Variants in NTNG1 observed in about 807,000 individuals in gnomAD.
NTNG1 encodes netrin-G1.
In NTNG1, 16 loss-of-function variants were observed where a neutral mutation model predicts 54.0. The observed-to-expected ratio is 0.30, with a 90% CI of 0.20 to 0.45. The LOEUF is 0.45. Among genes scored for constraint, NTNG1 ranks in the 20% least tolerant of loss-of-function variants. The pLI is 1.00. For missense variants in NTNG1, 530 were observed against 678.7 expected, an observed-to-expected ratio of 0.78 and a Z score of 2.43; for synonymous variants, 255 against 263.1, an observed-to-expected ratio of 0.97 and a Z score of 0.30.
chr1:107,150,574 C>T (rs899841909), intron 2 of NTNG1, among the ~76,000 whole-genome samples: 3 of 152,182 alleles, frequency 2.0e-5, no homozygotes, highest in Non-Finnish European at 4.4e-5. Context: ...TAATAATTTA[C>T]AGATCTAAGT....
At chr1:107,472,142 T>C (rs1477051964) in intron 7 of NTNG1, among the ~76,000 whole-genome samples, 1 of 152,182 alleles carries the variant, frequency 6.6e-6, no homozygotes, top group African/African-American at 2.4e-5. Context: ...CTCTTTATAC[T>C]ACCTCATGCT....
intron 2 of NTNG1, among the ~76,000 whole-genome samples, chr1:107,229,945 A>C (rs1378869690): frequency 6.6e-6 from 1 of 152,114 alleles, no homozygotes; most frequent in Non-Finnish European, 1.5e-5. Flanking sequence ...GGAATATGCT[A>C]ATGACCCTGA....
At chr1:107,480,576 G>GGCCCCCCCC in intron 7 of NTNG1, 35 bp from the exon 8 acceptor site, 1 of 339,098 alleles carries the variant, frequency 2.9e-6, no homozygotes, top group Non-Finnish European at 5.7e-6. Context: ...TCCTCCCCGC[G>GGCCCCCCCC]CCCACCCACC....
intron 2 of NTNG1, among the ~76,000 whole-genome samples, chr1:107,163,988 T>A (rs1288931773): frequency 6.6e-6 from 1 of 152,196 alleles, no homozygotes; most frequent in East Asian, 1.9e-4. Flanking sequence ...AAGCATCCAA[T>A]GGATTTCCGT....
intron 2 of NTNG1, among the ~76,000 whole-genome samples, chr1:107,149,190 G>A (rs752274262): frequency 6.6e-6 from 1 of 152,148 alleles, no homozygotes; most frequent in Non-Finnish European, 1.5e-5. Context: ...TCATGTTAAG[G>A]ATAAAATGCA....
chr1:107,404,580 G>T (rs1261980197), intron 4 of NTNG1, among the ~76,000 whole-genome samples: 1 of 152,110 alleles, frequency 6.6e-6, no homozygotes, highest in Non-Finnish European at 1.5e-5. Flanking sequence ...TAAATTTTCT[G>T]ATCCAATATA....
At position 107,360,819 on chromosome 1, in the gene NTNG1, A is replaced by G. The variant is rs531764687; in HGVS notation, c.888-34335A>G. 5.3e-5 allele frequency among the ~76,000 whole-genome samples: 8 copies of G among 152,320 alleles called. No individual in the cohort carries two copies. The East Asian group carries it at 1.5e-3, about 29-fold the overall frequency. On this transcript the variant is annotated intron_variant, in intron 3 of 7. Transcript: ENST00000370068. Reference sequence around the variant, plus strand: ...GTCCTTGACTCATAGCCGAGAGGCTACTTTCTAACATCTAGTCACCAGTCA... The same window carrying G: ...GTCCTTGACTCATAGCCGAGAGGCTGCTTTCTAACATCTAGTCACCAGTCA...
chr1:107,179,491 T>G (rs561140592), intron 2 of NTNG1, among the ~76,000 whole-genome samples: 52 of 152,146 alleles, frequency 3.4e-4, no homozygotes, highest in Non-Finnish European at 6.3e-4. Flanking sequence ...TTTTTTAAAA[T>G]TGACAATACA....
intron 4 of NTNG1, among the ~76,000 whole-genome samples, chr1:107,399,076 AG>A (rs1255061396): frequency 3.3e-5 from 5 of 151,948 alleles, no homozygotes; most frequent in Admixed American, 6.6e-5. Flanking sequence ...GACCCATAAA[AG>A]CACTCCATGG....
intron 2 of NTNG1, among the ~76,000 whole-genome samples, chr1:107,288,581 A>G (rs923443804): frequency 6.6e-6 from 1 of 152,184 alleles, no homozygotes; most frequent in Non-Finnish European, 1.5e-5. Context: ...ATTTCAAGAT[A>G]GCAAGAGAAA....
chr1:107,314,444 T>TAAATAAATTAAA (rs1553224168), intron 2 of NTNG1, among the ~76,000 whole-genome samples: 1 of 116,360 alleles, frequency 8.6e-6, no homozygotes, highest in African/African-American at 3.6e-5. Flanking sequence ...AATAAATAAA[T>TAAATAAATTAAA]AAAAATGAGA....
chr1:107,259,194 TG>T (rs1241622631), intron 2 of NTNG1, among the ~76,000 whole-genome samples: 1 of 152,218 alleles, frequency 6.6e-6, no homozygotes, highest in Admixed American at 6.5e-5. Flanking sequence ...TTTTGTGCTA[TG>T]TTTTTTTCCA....
chr1:107,188,327 G>T (rs1657628090), intron 2 of NTNG1, among the ~76,000 whole-genome samples: 1 of 152,078 alleles, frequency 6.6e-6, no homozygotes, highest in Non-Finnish European at 1.5e-5. Context: ...TCTTGTCTCA[G>T]TCATGGCCAG....
At chr1:107,434,700 G>C (rs1187498087) in intron 6 of NTNG1, among the ~76,000 whole-genome samples, 1 of 152,098 alleles carries the variant, frequency 6.6e-6, no homozygotes, top group Non-Finnish European at 1.5e-5. Flanking sequence ...ATCAATTCTA[G>C]TATAACTTTT....
intron 6 of NTNG1, among the ~76,000 whole-genome samples, chr1:107,435,367 G>T (rs182035545): frequency 6.6e-6 from 1 of 152,148 alleles, no homozygotes; most frequent in Non-Finnish European, 1.5e-5. Flanking sequence ...ACTAAGCCAG[G>T]CAAGGAGAGA....
chr1:107,209,707 T>A (rs955146681), intron 2 of NTNG1, among the ~76,000 whole-genome samples: 1 of 152,178 alleles, frequency 6.6e-6, no homozygotes, highest in Non-Finnish European at 1.5e-5. Flanking sequence ...CTCTTTCATA[T>A]AGTGGCAGTT....
intron 7 of NTNG1, among the ~76,000 whole-genome samples, chr1:107,468,073 C>G (rs1677722205): frequency 6.6e-6 from 1 of 152,080 alleles, no homozygotes; most frequent in Non-Finnish European, 1.5e-5. Context: ...ATGGTGACAG[C>G]AAGGCCACAG....
chr1:107,441,879 G>T (rs1179486774), intron 7 of NTNG1, among the ~76,000 whole-genome samples: 2 of 151,940 alleles, frequency 1.3e-5, no homozygotes, highest in African/African-American at 4.8e-5. Flanking sequence ...AAAAGGATTC[G>T]AGAGGAGTAA....
chr1:107,405,265 A>G (rs1292148104), intron 4 of NTNG1, among the ~76,000 whole-genome samples: 1 of 152,160 alleles, frequency 6.6e-6, no homozygotes, highest in Non-Finnish European at 1.5e-5. Flanking sequence ...GTGTTCAGAT[A>G]TTTTCAACTT....
Sources: gnomAD v4.1 joint callset for allele counts (sites outside exome capture counted in the v4.1 genomes callset) on GRCh38, gnomAD v4.1.1 for gene constraint, MANE v1.5 for transcripts, NCBI Gene and HGNC (gene_info 2026-07-23, HGNC 2026-07-21) for gene names.